LEO1: variants seen among roughly 807,000 people sequenced by gnomAD.
LEO1 encodes RNA polymerase-associated protein LEO1.
Under a neutral mutation model 80.4 loss-of-function variants are expected in LEO1, and 34 were observed. That is an observed-to-expected ratio of 0.42 (90% CI 0.32 to 0.56). The LOEUF is 0.56. LEO1 is among the 20% of genes least tolerant of loss of function. The probability of loss-of-function intolerance (pLI) is 0.10; values close to 1 mark genes in which losing one functional copy is unlikely to be tolerated. For missense variants in LEO1, 631 were observed against 814.2 expected (o/e 0.77, Z 2.74); for synonymous variants, 262 against 274.9 (o/e 0.95, Z 0.46).
intron 11 of LEO1, among the ~76,000 whole-genome samples, chr15:51,939,880 G>C (rs1223374002): frequency 1.3e-5 from 2 of 152,074 alleles, no homozygotes; most frequent in Non-Finnish European, 2.9e-5. Flanking sequence ...AGATGGCCAG[G>C]GCTCTCCCAA....
At chr15:51,942,945 A>T (rs1051802862) in intron 11 of LEO1, among the ~76,000 whole-genome samples, 1 of 150,294 alleles carries the variant, frequency 6.7e-6, no homozygotes, top group African/African-American at 2.4e-5. Flanking sequence ...AAACCAAAAA[A>T]AAAACAACAA....
At position 51,946,439 on chromosome 15, in the gene LEO1, G is replaced by A. The variant is rs541154023; in HGVS notation, c.1896+853C>T. ...TCGAACTCCCAACCTCAGGTGATCC[G>A]CTTGCCTCGGCCTCCCAAAGTGCTG... On this transcript the variant is annotated intron_variant, in intron 11 of 11. Coordinates refer to ENST00000299601, the MANE Select transcript of LEO1 (RefSeq NM_138792.4). Among the ~76,000 whole-genome samples the A allele has an allele frequency of 5.2e-4, 79 of 152,220 alleles. 1 individual carries two copies. The Middle Eastern group carries it at 0.02, about 39-fold the overall frequency.
At chr15:51,966,576 C>G in intron 1 of LEO1, 72 bp from the exon 2 acceptor site, 1 of 854,116 alleles carries the variant, frequency 1.2e-6, no homozygotes, top group Non-Finnish European at 1.9e-6. Context: ...AAGTCCATCC[C>G]AACATAAAAG....
chr15:51,958,659 A>C lies in LEO1; in HGVS notation c.1245+83T>G. ...TAGTGAAGTGTTAGGTAAAAAAATCACTTTCAAAAGCTCAAGTTTCAAGTT... is the reference window on the plus strand; with the variant it reads ...TAGTGAAGTGTTAGGTAAAAAAATCCCTTTCAAAAGCTCAAGTTTCAAGTT... On this transcript the variant is annotated intron_variant, in intron 6 of 11. Coordinates refer to ENST00000299601, the MANE Select transcript of LEO1 (RefSeq NM_138792.4). 7.4e-6 allele frequency: 6 copies of C among 813,176 alleles called. 1 individual carries two copies. In the South Asian group the frequency reaches 9.1e-5, roughly 12 times the overall value. The allele number at this position is 813,176 out of a possible 1,614,324, so 50.4% of individuals were successfully genotyped here.
intron 2 of LEO1, among the ~76,000 whole-genome samples, chr15:51,963,468 A>T (rs1403061790): frequency 1.3e-5 from 2 of 152,208 alleles, no homozygotes; most frequent in African/African-American, 4.8e-5. Flanking sequence ...AAATCAACAG[A>T]ACCACTGTTG....
At chr15:51,963,382 T>TA (rs1443157971) in intron 2 of LEO1, among the ~76,000 whole-genome samples, 1 of 151,784 alleles carries the variant, frequency 6.6e-6, no homozygotes. Flanking sequence ...GAAAAAAAGG[T>TA]AAAAAGATTA....
At chr15:51,956,967 T>C (rs1479410766) in intron 6 of LEO1, among the ~76,000 whole-genome samples, 4 of 152,120 alleles carry the variant, frequency 2.6e-5, no homozygotes, top group African/African-American at 9.7e-5. Flanking sequence ...GCTGTGACTA[T>C]GGGCATGCGC....
At chr15:51,960,101 A>T in intron 4 of LEO1, 57 bp from the exon 5 acceptor site, 1 of 1,372,744 alleles carries the variant, frequency 7.3e-7, no homozygotes, top group Non-Finnish European at 1.0e-6. Context: ...GGCTTCCTTC[A>T]ACCTCCACAC....
At chr15:51,944,555 G>C (rs1193113928) in intron 11 of LEO1, among the ~76,000 whole-genome samples, 1 of 152,054 alleles carries the variant, frequency 6.6e-6, no homozygotes, top group African/African-American at 2.4e-5. Flanking sequence ...ATTTTTAATT[G>C]CTAATAATCA....
intron 1 of LEO1, among the ~76,000 whole-genome samples, chr15:51,970,548 C>T (rs1227692413): frequency 1.3e-5 from 2 of 152,160 alleles, no homozygotes; most frequent in Admixed American, 6.6e-5. Flanking sequence ...CTGATATGTG[C>T]TACAATGCCT....
chr15:51,968,679 A>G (rs2057097783), intron 1 of LEO1, among the ~76,000 whole-genome samples: 1 of 152,046 alleles, frequency 6.6e-6, no homozygotes, highest in South Asian at 2.1e-4. Flanking sequence ...AAATACAAAA[A>G]TTAGCCAGGC....
rs185511102 is a variant in LEO1 at position 51,969,318 on chromosome 15, C to T, written c.58+2370G>A. ...AGACATTTCTCCAAACAAAGTTACA[C>T]AAATGGCCAATAAATACATGAAAAG... On this transcript the variant is annotated intron_variant, in intron 1 of 11. Transcript: ENST00000299601. Among the ~76,000 whole-genome samples the T allele has an allele frequency of 5.9e-3, 889 of 151,640 alleles. 8 individuals are homozygous for T. Among genetic ancestry groups the T allele is most frequent in the South Asian group, 0.029 (137 of 4,728 alleles).
chr15:51,970,948 C>G (rs186864283), intron 1 of LEO1, among the ~76,000 whole-genome samples: 2 of 152,302 alleles, frequency 1.3e-5, no homozygotes, highest in East Asian at 3.9e-4. Flanking sequence ...GAGACCCTGT[C>G]TCTAAAAAAG....
intron 5 of LEO1, 38 bp downstream of exon 5, chr15:51,959,861 A>G (rs779764226): frequency 6.6e-7 from 1 of 1,520,824 alleles, no homozygotes; most frequent in Admixed American, 2.2e-5. Context: ...ATGTATTTCT[A>G]CTCAACATCC....
chr15:51,962,282 T>C (rs1162761080), intron 3 of LEO1, 107 bp downstream of exon 3: 6 of 651,360 alleles, frequency 9.2e-6, no homozygotes, highest in Admixed American at 8.8e-5. Context: ...ACTCTTATTC[T>C]GTGGGTCTGG....
chr15:51,952,940 C>T (rs1217195644), intron 8 of LEO1, among the ~76,000 whole-genome samples, 189 bp downstream of exon 8: 1 of 152,212 alleles, frequency 6.6e-6, no homozygotes, highest in East Asian at 1.9e-4. Flanking sequence ...TGACCTGGTT[C>T]CCTAAGAAAC....
At chr15:51,949,720 C>A in intron 10 of LEO1, 88 bp downstream of exon 10, 1 of 1,092,744 alleles carries the variant, frequency 9.2e-7, no homozygotes, top group Admixed American at 2.3e-5. Context: ...AAAAAAAGTC[C>A]AGTGACTTGG....
chr15:51,947,431 T>C lies in LEO1; in HGVS notation c.1799-42A>G, dbSNP rs759026110. The C allele has an allele frequency of 1.1e-5, 15 of 1,383,520 alleles. No homozygotes were observed. In the African/African-American group the frequency reaches 1.3e-4, roughly 12 times the overall value. 85.7% of individuals were successfully genotyped at this position (1,383,520 alleles called of 1,614,324 possible). A position where few individuals can be genotyped will look rare whatever the true frequency, so the allele number is the denominator to read the frequency against. ...AGATTGTGAGTCACCTTTTTTTTTT[T>C]CTGAGACAGGGTCTTGCTTTGAGGC... On this transcript the variant is annotated intron_variant, in intron 10 of 11. Coordinates refer to ENST00000299601, the MANE Select transcript of LEO1 (RefSeq NM_138792.4).
chr15:51,951,027 A>G (rs1038122840), intron 9 of LEO1, among the ~76,000 whole-genome samples: 2 of 152,260 alleles, frequency 1.3e-5, no homozygotes, highest in South Asian at 2.1e-4. Context: ...ATCTGTCTCC[A>G]TGAACAAATA....
Sources: gnomAD v4.1 joint callset for allele counts (sites outside exome capture counted in the v4.1 genomes callset) on GRCh38, gnomAD v4.1.1 for gene constraint, MANE v1.5 for transcripts, NCBI Gene and HGNC (gene_info 2026-07-23, HGNC 2026-07-21) for gene names.